The following MAP2K5 variants were observed in gnomAD, a reference collection of about 807,000 sequenced individuals.
The protein encoded by MAP2K5 is dual specificity mitogen-activated protein kinase kinase 5.
A neutral mutation model predicts 83.1 loss-of-function variants in MAP2K5; 49 were observed. The ratio of observed to expected loss-of-function variants is 0.59; its 90% CI spans 0.47 to 0.75. MAP2K5 has a LOEUF of 0.75. MAP2K5 is among the 30% of genes least tolerant of loss of function. MAP2K5 has a pLI of 0.00. For synonymous variants in MAP2K5, 202 were observed against 191.8 expected (o/e 1.05, Z -0.44); for missense variants, 457 against 557.5 (o/e 0.82, Z 1.82).
intron 7 of MAP2K5, among the ~76,000 whole-genome samples, chr15:67,595,251 A>C (rs2085499236): frequency 6.6e-6 from 1 of 152,208 alleles, no homozygotes; most frequent in South Asian, 2.1e-4. Context: ...TCTGTCACTC[A>C]GAGTAAATGC....
chr15:67,726,126 A>G (rs192286323), intron 16 of MAP2K5, among the ~76,000 whole-genome samples: 118 of 152,356 alleles, frequency 7.7e-4, no homozygotes, highest in African/African-American at 2.7e-3. Context: ...ATCCATACAC[A>G]TATCAGTGTA....
chr15:67,543,229 C>A lies in MAP2K5; in HGVS notation c.-107C>A. ...CTCATCCTCCATTCCCTTGTTTTCA[C>A]CCTCTGTCCTCTGCCCGTCACTCCC... On this transcript the variant is annotated 5_prime_UTR_variant, in exon 1 of 22. Transcript: ENST00000178640. This position sits in a 1 kb window ranked among gnomAD's most constrained non-coding sequence, Gnocchi z 4.3. 5.4e-6 allele frequency: 6 copies of A among 1,120,240 alleles called. No homozygotes were observed. The highest frequency in any genetic ancestry group is 1.4e-5 in the South Asian group (1 of 72,808). 69.4% of individuals were successfully genotyped at this position (1,120,240 alleles called of 1,614,324 possible). A position where few individuals can be genotyped will look rare whatever the true frequency, so the allele number is the denominator to read the frequency against.
In MAP2K5 at chr15:67,644,270, T is replaced by A. The variant is rs1041359660; in HGVS notation, c.586-1961T>A. Among the ~76,000 whole-genome samples, 4 of 152,124 alleles carry A rather than the reference T, an allele frequency of 2.6e-5. No individual in the cohort carries two copies. Among genetic ancestry groups the A allele is most frequent in the African/African-American group, 9.7e-5 (4 of 41,428 alleles). On this transcript the variant is annotated intron_variant, in intron 9 of 21. Transcript: ENST00000178640. This position sits in a 1 kb window ranked among gnomAD's most constrained non-coding sequence, Gnocchi z 4.6. ...TCAACCGGGTGTGGTGGCAGGTGCCTGTAATCCCAGCTACTTGGGAGGCTG... is the reference window on the plus strand; with the variant it reads ...TCAACCGGGTGTGGTGGCAGGTGCCAGTAATCCCAGCTACTTGGGAGGCTG...
chr15:67,622,208 A>C (rs1316100791), intron 8 of MAP2K5, among the ~76,000 whole-genome samples: 2 of 151,452 alleles, frequency 1.3e-5, no homozygotes, highest in Non-Finnish European at 2.9e-5. Flanking sequence ...GTGCTGTTTT[A>C]TGTAGGAAAG....
At chr15:67,742,220 G>A (rs1190545066) in intron 17 of MAP2K5, among the ~76,000 whole-genome samples, 2 of 152,198 alleles carry the variant, frequency 1.3e-5, no homozygotes, top group African/African-American at 2.4e-5. Flanking sequence ...AGTTTAATCT[G>A]CCCAAAAGAG....
At chr15:67,570,521 T>C (rs1312634863) in intron 3 of MAP2K5, among the ~76,000 whole-genome samples, 2 of 152,252 alleles carry the variant, frequency 1.3e-5, no homozygotes, top group African/African-American at 4.8e-5. Context: ...TAGCTATTAA[T>C]TTGATATTCA....
rs529299000 is a variant in MAP2K5, at chr15:67,762,380, A to G, written c.1135-7222A>G. On this transcript the variant is annotated intron_variant, in intron 19 of 21. Coordinates refer to ENST00000178640, the MANE Select transcript of MAP2K5 (RefSeq NM_145160.3). ...ATGGCTGATGACCAACAAGAGACCT[A>G]AAATAAAAAGAGAAAAAAGATGCTC... is the stretch of plus-strand genomic sequence containing the variant. 3.9e-5 allele frequency among the ~76,000 whole-genome samples: 6 copies of G among 152,324 alleles called. No individual in the cohort carries two copies. In the East Asian group the frequency reaches 1.2e-3, roughly 29 times the overall value.
rs2089384136 is a variant in MAP2K5, at chr15:67,738,073, A to G, written c.1074+10128A>G. On this transcript the variant is annotated intron_variant, in intron 17 of 21. Transcript: ENST00000178640. This position sits in a 1 kb window ranked among gnomAD's most constrained non-coding sequence, Gnocchi z 4.1. ...CGCCATGTTGGCCAGGCTGGTCTCG[A>G]ACTCCCGACCTCAGGTGACCTGCCT... 1.3e-5 allele frequency among the ~76,000 whole-genome samples: 2 copies of G among 152,132 alleles called. No homozygotes were observed. The highest frequency in any genetic ancestry group is 4.2e-4 in the South Asian group (2 of 4,818).
Position 67,673,871 on chromosome 15 carries a change from CAG to C in MAP2K5, c.847+9229_847+9230del, listed in dbSNP as rs1407981097. 3.9e-5 allele frequency among the ~76,000 whole-genome samples: 6 copies of C among 152,054 alleles called. No homozygotes were observed. The East Asian group carries it at 1.2e-3, about 29-fold the overall frequency. ...TGTTTGTTTGTTTATTTTTTTGAAA[CAG>C]AGTCTCACTCTGCCGCCCAGGCTGG... On this transcript the variant is annotated intron_variant, in intron 13 of 21. Transcript: ENST00000178640.
chr15:67,569,090 T>C (rs896029568), intron 3 of MAP2K5, among the ~76,000 whole-genome samples: 61 of 152,232 alleles, frequency 4.0e-4, no homozygotes, highest in African/African-American at 1.4e-3. Flanking sequence ...CAAGGCTGTG[T>C]TTTACCTTGT....
In MAP2K5 at chr15:67,577,910, G is replaced by A. The variant is rs929633375; in HGVS notation, c.253-2844G>A. On this transcript the variant is annotated intron_variant, in intron 3 of 21. Transcript: ENST00000178640. The surrounding 1 kb of genome is among the most constrained non-coding windows in gnomAD (Gnocchi z 4.1). ...AGCTACTTGGGAGGCTGAGGCAGGAGAATTGCTTGAACCTGGGAGGTGTAG... is the reference window on the plus strand; with the variant it reads ...AGCTACTTGGGAGGCTGAGGCAGGAAAATTGCTTGAACCTGGGAGGTGTAG... Among the ~76,000 whole-genome samples, 53 of 152,284 alleles carry A rather than the reference G, an allele frequency of 3.5e-4. No homozygotes were observed. Among genetic ancestry groups the A allele is most frequent in the African/African-American group, 1.2e-3 (50 of 41,560 alleles).
At chr15:67,684,194 C>T (rs1041617564) in intron 13 of MAP2K5, among the ~76,000 whole-genome samples, 10 of 152,190 alleles carry the variant, frequency 6.6e-5, no homozygotes, top group Non-Finnish European at 1.0e-4. Context: ...AGACAACCAA[C>T]TACTGTTTAG....
intron 4 of MAP2K5, among the ~76,000 whole-genome samples, chr15:67,585,076 CAAAAAAA>C (rs59012209): frequency 8.2e-6 from 1 of 122,180 alleles, no homozygotes; most frequent in South Asian, 3.0e-4. Context: ...GAGAGAGGAG[CAAAAAAA>C]AAAAAAAAAA....
chr15:67,646,252 C>T lies in MAP2K5; in HGVS notation c.607C>T (p.Leu203=). 7.1e-7 allele frequency: 1 copy of T among 1,409,348 alleles called. No homozygotes were observed. The highest frequency in any genetic ancestry group is 9.9e-7 in the Non-Finnish European group (1 of 1,009,132). The allele number at this position is 1,409,348 out of a possible 1,614,324, so 87.3% of individuals were successfully genotyped here. ...AVKVILLDIT[L]ELQKQIMSEL... ...TTAGGTCATACTACTAGATATTACA[C>T]TGGAACTTCAGAAGCAAATTATGTC... is the stretch of plus-strand genomic sequence containing the variant. The change falls in exon 10 of 22, where the codon CTG becomes TTG. Residue 203 remains leucine, a synonymous_variant. Coordinates refer to ENST00000178640, the MANE Select transcript of MAP2K5 (RefSeq NM_145160.3).
At chr15:67,796,169 T>C (rs2090601019) in intron 21 of MAP2K5, among the ~76,000 whole-genome samples, 1 of 152,238 alleles carries the variant, frequency 6.6e-6, no homozygotes, top group East Asian at 1.9e-4. Context: ...TTATTGTTTG[T>C]TGATATACTT....
At chr15:67,697,095 C>T (rs139479607) in intron 15 of MAP2K5, among the ~76,000 whole-genome samples, 1 of 152,248 alleles carries the variant, frequency 6.6e-6, no homozygotes, top group Non-Finnish European at 1.5e-5. Context: ...TGAGCAAATA[C>T]TCAGAAATAG....
intron 2 of MAP2K5, among the ~76,000 whole-genome samples, chr15:67,553,249 A>AAC (rs1337850132): frequency 6.6e-6 from 1 of 152,194 alleles, no homozygotes; most frequent in Non-Finnish European, 1.5e-5. Flanking sequence ...CCCAGGTTCA[A>AAC]ACACACATCT....
intron 8 of MAP2K5, among the ~76,000 whole-genome samples, chr15:67,617,359 A>G (rs1006091769): frequency 6.6e-6 from 1 of 152,188 alleles, no homozygotes; most frequent in Non-Finnish European, 1.5e-5. Context: ...TATGTTTAGA[A>G]CTTAATATGC....
At chr15:67,614,340 G>T (rs1031891030) in intron 8 of MAP2K5, among the ~76,000 whole-genome samples, 1 of 152,126 alleles carries the variant, frequency 6.6e-6, no homozygotes, top group Non-Finnish European at 1.5e-5. Context: ...AGAATAAGGA[G>T]GTTTTCTGAA....
Sources: allele counts gnomAD v4.1 joint callset (sites outside exome capture counted in the v4.1 genomes callset), GRCh38; gene constraint gnomAD v4.1.1; non-coding constraint Gnocchi (gnomAD v3.1); transcripts MANE v1.5; gene names NCBI Gene and HGNC (gene_info 2026-07-23, HGNC 2026-07-21).